MED4: variants seen among roughly 807,000 people sequenced by gnomAD.
The protein encoded by MED4 is mediator complex subunit 4.
Under a neutral mutation model 35.0 loss-of-function variants are expected in MED4, and 21 were observed. That is an observed-to-expected ratio of 0.60 (90% CI 0.43 to 0.86). The LOEUF (loss-of-function observed/expected upper bound fraction) is 0.86. Ranked by LOEUF, MED4 falls within the 40% of genes least tolerant of loss-of-function variation. MED4 has a pLI of 0.00. For synonymous variants in MED4, 138 were observed against 114.0 expected (o/e 1.21, Z -1.34); for missense variants, 300 against 319.4 (o/e 0.94, Z 0.46).
Position 48,081,749 on chromosome 13 carries a change from G to A in MED4, c.422-18C>T. 6.5e-7 allele frequency: 1 copy of A among 1,538,838 alleles called. No homozygotes were observed. Among genetic ancestry groups the A allele is most frequent in the South Asian group, 1.1e-5 (1 of 87,360 alleles). ...GATAGCACCTGAAAGAGTTTTAAGA[G>A]GACAGTATAACCTGTAGTCTAACAA... On this transcript the variant is annotated intron_variant, in intron 4 of 6. Transcript: ENST00000258648.
At chr13:48,083,236 C>G in intron 4 of MED4, 135 bp downstream of exon 4, 1 of 666,488 alleles carries the variant, frequency 1.5e-6, no homozygotes, top group Non-Finnish European at 2.5e-6. Flanking sequence ...TGCTAGAACA[C>G]AACACACTTT....
In MED4 at chr13:48,090,427, A is replaced by G; in HGVS notation, c.126-9T>C. The G allele has an allele frequency of 6.3e-7, 1 of 1,590,296 alleles. No homozygotes were observed. The highest frequency in any genetic ancestry group is 8.5e-7 in the Non-Finnish European group (1 of 1,171,540). ...GCATTTCTATAAGTTCCCTAAAAAA[A>G]AAAAACCAACAACAACAAAAACCCT... is the stretch of plus-strand genomic sequence containing the variant. On this transcript the variant is annotated splice_polypyrimidine_tract_variant and intron_variant, in intron 1 of 6. Coordinates refer to ENST00000258648, the MANE Select transcript of MED4 (RefSeq NM_014166.4).
At position 48,076,991 on chromosome 13, in the gene MED4, A is replaced by C. The variant is rs1950764229; in HGVS notation, c.*148T>G. 3.1e-6 allele frequency: 2 copies of C among 639,546 alleles called. No homozygotes were observed. The highest frequency in any genetic ancestry group is 4.8e-6 in the Non-Finnish European group (2 of 416,262). The allele number at this position is 639,546 out of a possible 1,614,324, so 39.6% of individuals were successfully genotyped here. A position where few individuals can be genotyped will look rare whatever the true frequency, so the allele number is the denominator to read the frequency against. Reference sequence around the variant, plus strand: ...CTTTGGCTTTAAAAAGAAAGTCAAAAAATTTTGACTTTTAATGACTGCACA... The same window carrying C: ...CTTTGGCTTTAAAAAGAAAGTCAAACAATTTTGACTTTTAATGACTGCACA... On this transcript the variant is annotated 3_prime_UTR_variant, in exon 7 of 7. Transcript: ENST00000258648.
chr13:48,078,954 A>T (rs1566116843), intron 6 of MED4, among the ~76,000 whole-genome samples: 1 of 152,200 alleles, frequency 6.6e-6, no homozygotes, highest in Non-Finnish European at 1.5e-5. Flanking sequence ...TGCCTCAGAA[A>T]GGGTATATTT....
intron 4 of MED4, among the ~76,000 whole-genome samples, chr13:48,082,912 C>G (rs1950820483): frequency 6.6e-6 from 1 of 152,188 alleles, no homozygotes; most frequent in Admixed American, 6.5e-5. Context: ...GGCCTCTGCA[C>G]CACCAAATGT....
rs11299325 is a variant in MED4 at position 48,080,741 on chromosome 13, CTTTTTT to C, written c.509-772_509-767del. ...TAGAAGGACTGTCTCAATTTAAAAT[CTTTTTT>C]TTTTTTTACATTTTTCATCTTTTTG... On this transcript the variant is annotated intron_variant, in intron 5 of 6. Coordinates refer to ENST00000258648, the MANE Select transcript of MED4 (RefSeq NM_014166.4). Among the ~76,000 whole-genome samples, 3 of 146,692 alleles carry C rather than the reference CTTTTTT, an allele frequency of 2.0e-5. No individual in the cohort carries two copies. In the South Asian group the frequency reaches 6.5e-4, roughly 32 times the overall value.
At chr13:48,080,396 C>CAAAAAAAAAAAAAAAAAAAA (rs57198503) in intron 5 of MED4, among the ~76,000 whole-genome samples, 7 of 68,808 alleles carry the variant, frequency 1.0e-4, no homozygotes, top group South Asian at 5.8e-4. Context: ...GACCCTGTCT[C>CAAAAAAAAAAAAAAAAAAAA]AAAAAAAAAA....
In MED4 at chr13:48,077,020, C is replaced by G; in HGVS notation, c.*119G>C. ...TTTGACTTTTAATGACTGCACAATTCTACCAAAGCCAGTGTTTACCTGGGT... is the reference window on the plus strand; with the variant it reads ...TTTGACTTTTAATGACTGCACAATTGTACCAAAGCCAGTGTTTACCTGGGT... On this transcript the variant is annotated 3_prime_UTR_variant, in exon 7 of 7. Transcript: ENST00000258648. 1 of 886,728 alleles carries G rather than the reference C, an allele frequency of 1.1e-6. No individual in the cohort carries two copies. Among genetic ancestry groups the G allele is most frequent in the South Asian group, 2.4e-5 (1 of 41,856 alleles). 54.9% of individuals were successfully genotyped at this position (886,728 alleles called of 1,614,324 possible).
In MED4 at chr13:48,077,103, C is replaced by T. The variant is rs1449463538; in HGVS notation, c.*36G>A. On this transcript the variant is annotated 3_prime_UTR_variant, in exon 7 of 7. Coordinates refer to ENST00000258648, the MANE Select transcript of MED4 (RefSeq NM_014166.4). Reference sequence around the variant, plus strand: ...CTACTGTTAAAGAAACAGAATTCTACAGTATTCAATTCTGTATATTGTCTT... The same window carrying T: ...CTACTGTTAAAGAAACAGAATTCTATAGTATTCAATTCTGTATATTGTCTT... The T allele has an allele frequency of 2.0e-6, 3 of 1,509,808 alleles. No individual in the cohort carries two copies. Among genetic ancestry groups the T allele is most frequent in the Non-Finnish European group, 2.7e-6 (3 of 1,120,210 alleles). The allele number at this position is 1,509,808 out of a possible 1,614,324, so 93.5% of individuals were successfully genotyped here.
At chr13:48,087,092 G>A (rs959192490) in intron 2 of MED4, among the ~76,000 whole-genome samples, 1 of 151,502 alleles carries the variant, frequency 6.6e-6, no homozygotes, top group Non-Finnish European at 1.5e-5. Flanking sequence ...TAGGCCAGGC[G>A]CGGTGGCTCA....
At chr13:48,090,984 G>T (rs955524669) in intron 1 of MED4, among the ~76,000 whole-genome samples, 1 of 152,172 alleles carries the variant, frequency 6.6e-6, no homozygotes, top group South Asian at 2.1e-4. Flanking sequence ...GAGTTGAGTT[G>T]TTACAGCAGA....
intron 3 of MED4, among the ~76,000 whole-genome samples, chr13:48,085,243 C>T (rs1950840822): frequency 6.7e-6 from 1 of 149,372 alleles, no homozygotes. Context: ...GCAATCTCAG[C>T]TCACTGCAAC....
intron 2 of MED4, among the ~76,000 whole-genome samples, chr13:48,089,508 G>A (rs1439899933): frequency 6.6e-6 from 1 of 152,122 alleles, no homozygotes; most frequent in African/African-American, 2.4e-5. Flanking sequence ...AAGGTGGGGA[G>A]GATCCCTTGA....
In MED4 at chr13:48,090,982, T is replaced by G. The variant is rs139316019; in HGVS notation, c.126-564A>C. Among the ~76,000 whole-genome samples the G allele has an allele frequency of 2.4e-3, 366 of 152,310 alleles. 3 individuals are homozygous for G. Among genetic ancestry groups the G allele is most frequent in the African/African-American group, 8.2e-3 (340 of 41,574 alleles). ...CCCTAAATACAGAGGCAGAGTTGAG[T>G]TGTTACAGCAGAGACTATATGGCCC... On this transcript the variant is annotated intron_variant, in intron 1 of 6. Coordinates refer to ENST00000258648, the MANE Select transcript of MED4 (RefSeq NM_014166.4).
chr13:48,078,576 C>T (rs1320374906), intron 6 of MED4, among the ~76,000 whole-genome samples: 6 of 152,160 alleles, frequency 3.9e-5, no homozygotes, highest in Non-Finnish European at 8.8e-5. Context: ...GCCTCTGATG[C>T]CTCATCTAAC....
intron 1 of MED4, among the ~76,000 whole-genome samples, chr13:48,093,164 T>C (rs1388183947): frequency 6.6e-6 from 1 of 152,186 alleles, no homozygotes; most frequent in Non-Finnish European, 1.5e-5. Flanking sequence ...TTAGCAGTAA[T>C]ACACTTTTCA....
At chr13:48,093,055 T>C (rs190399036) in intron 1 of MED4, among the ~76,000 whole-genome samples, 4 of 152,322 alleles carry the variant, frequency 2.6e-5, no homozygotes, top group African/African-American at 4.8e-5. Flanking sequence ...AAGAGCCCTG[T>C]CCTGCTAAAA....
rs569348445 is a variant in MED4 at position 48,076,551 on chromosome 13, C to G, written c.*588G>C. The G allele has an allele frequency of 6.6e-6, 1 of 151,378 alleles. No homozygotes were observed. The highest frequency in any genetic ancestry group is 1.9e-4 in the East Asian group (1 of 5,148). The allele number at this position is 151,378 out of a possible 1,614,324, so 9.4% of individuals were successfully genotyped here. A position where few individuals can be genotyped will look rare whatever the true frequency, so the allele number is the denominator to read the frequency against. On this transcript the variant is annotated 3_prime_UTR_variant, in exon 7 of 7. Transcript: ENST00000258648. The stretch of plus-strand genomic sequence containing the variant: ...AGAAATAATTTCCTACCTACACTGA[C>G]AGTATATTTAAACTAAAAAAAAAGC...
At position 48,081,632 on chromosome 13, in the gene MED4, C is replaced by A; in HGVS notation, c.508+13G>T. ...ACCACATATATCTAGTATAATAAGA[C>A]GAGTATGTTTACCTGGAACCCAGGT... On this transcript the variant is annotated intron_variant, in intron 5 of 6. Coordinates refer to ENST00000258648, the MANE Select transcript of MED4 (RefSeq NM_014166.4). 1 of 1,588,790 alleles carries A rather than the reference C, an allele frequency of 6.3e-7. No individual in the cohort carries two copies. The highest frequency in any genetic ancestry group is 1.7e-5 in the Admixed American group (1 of 58,440).
Sources: allele counts gnomAD v4.1 joint callset (sites outside exome capture counted in the v4.1 genomes callset), GRCh38; gene constraint gnomAD v4.1.1; transcripts MANE v1.5; gene names NCBI Gene and HGNC (gene_info 2026-07-23, HGNC 2026-07-21).